Variants in ASIC2 observed in about 807,000 individuals in gnomAD.
ASIC2 encodes the protein acid sensing ion channel subunit 2.
ASIC2 carries 25 observed loss-of-function variants against 57.3 expected under a neutral mutation model. The ratio of observed to expected loss-of-function variants is 0.44; its 90% CI spans 0.32 to 0.61. ASIC2 has a LOEUF of 0.61. Among genes scored for constraint, ASIC2 ranks in the 20% least tolerant of loss-of-function variants. The probability of loss-of-function intolerance (pLI) is 0.06; values close to 1 mark genes in which losing one functional copy is unlikely to be tolerated. For missense variants in ASIC2, 641 were observed against 738.1 expected (o/e 0.87, Z 1.52); for synonymous variants, 319 against 307.5 (o/e 1.04, Z -0.39).
At chr17:34,140,892 G>T (rs1369836397) in intron 1 of ASIC2, among the ~76,000 whole-genome samples, 1 of 152,188 alleles carries the variant, frequency 6.6e-6, no homozygotes, top group East Asian at 1.9e-4. Context: ...ATCAATGGAT[G>T]ATAAAACCAG....
At chr17:34,052,777 C>A (rs1908618096) in intron 1 of ASIC2, among the ~76,000 whole-genome samples, 1 of 151,860 alleles carries the variant, frequency 6.6e-6, no homozygotes, top group African/African-American at 2.4e-5. Flanking sequence ...CCATCATGCC[C>A]AGCTATTTTT....
At chr17:34,116,642 T>G (rs1911431293) in intron 1 of ASIC2, among the ~76,000 whole-genome samples, 2 of 152,146 alleles carry the variant, frequency 1.3e-5, no homozygotes, top group Non-Finnish European at 2.9e-5. Flanking sequence ...GCCTGCTCTC[T>G]CTCTCCCTAG....
At chr17:33,118,852 G>A (rs2092290786) in intron 1 of ASIC2, among the ~76,000 whole-genome samples, 1 of 152,054 alleles carries the variant, frequency 6.6e-6, no homozygotes, top group Non-Finnish European at 1.5e-5. Context: ...TTTTCCTGGA[G>A]CATTGCATCC....
chr17:33,062,406 C>A (rs918233803), intron 3 of ASIC2, among the ~76,000 whole-genome samples: 1 of 152,182 alleles, frequency 6.6e-6, no homozygotes, highest in African/African-American at 2.4e-5. Flanking sequence ...TTTCTGCCTT[C>A]ATTTCGTTAT....
At chr17:33,899,083 G>A (rs1237175784) in intron 1 of ASIC2, among the ~76,000 whole-genome samples, 6 of 150,540 alleles carry the variant, frequency 4.0e-5, no homozygotes, top group Admixed American at 1.3e-4. Flanking sequence ...AGCTGAGATC[G>A]CGCCACTGCA....
chr17:33,786,177 TTGAC>T (rs773358149), intron 1 of ASIC2, among the ~76,000 whole-genome samples: 1 of 152,176 alleles, frequency 6.6e-6, no homozygotes, highest in Non-Finnish European at 1.5e-5. Flanking sequence ...GCAAACTTGT[TTGAC>T]TAACTGGCAG....
intron 1 of ASIC2, among the ~76,000 whole-genome samples, chr17:33,400,906 G>A (rs1049522005): frequency 2.6e-5 from 4 of 152,120 alleles, no homozygotes; most frequent in Non-Finnish European, 4.4e-5. Flanking sequence ...TTTGGCAACA[G>A]TTTGGTGACA....
chr17:33,772,236 T>G (rs1911134270), intron 1 of ASIC2, among the ~76,000 whole-genome samples: 1 of 152,228 alleles, frequency 6.6e-6, no homozygotes, highest in African/African-American at 2.4e-5. Context: ...GAGAGGGTCC[T>G]GTCCCACATC....
intron 1 of ASIC2, among the ~76,000 whole-genome samples, chr17:33,602,714 C>T (rs1018416278): frequency 1.3e-5 from 2 of 152,208 alleles, no homozygotes; most frequent in Non-Finnish European, 2.9e-5. Context: ...CTCACTGGCT[C>T]CAGCCACACA....
rs535447621 is a variant in ASIC2, at chr17:33,854,972, G to A, written c.555+301006C>T. On this transcript the variant is annotated intron_variant, in intron 1 of 9. Transcript: ENST00000359872. The stretch of plus-strand genomic sequence containing the variant: ...AAAAGTAGGAGGAACCTCTGACCCA[G>A]GCTCCTGCTAGGGGCCAACTGAGTT... Among the ~76,000 whole-genome samples the A allele has an allele frequency of 1.2e-4, 18 of 152,324 alleles. No homozygotes were observed. In the East Asian group the frequency reaches 3.3e-3, roughly 28 times the overall value.
At chr17:33,342,062 A>G (rs1907740610) in intron 1 of ASIC2, among the ~76,000 whole-genome samples, 1 of 152,222 alleles carries the variant, frequency 6.6e-6, no homozygotes, top group South Asian at 2.1e-4. Flanking sequence ...TGCTTAGCAA[A>G]AGAGAATGTG....
chr17:34,071,761 T>TG (rs1350052064), intron 1 of ASIC2: 1 of 151,600 alleles, frequency 6.6e-6, no homozygotes, highest in Non-Finnish European at 1.5e-5. Flanking sequence ...ACCAGGTAGA[T>TG]GGAGGTTGCA....
intron 1 of ASIC2, among the ~76,000 whole-genome samples, chr17:33,252,125 G>T (rs570723415): frequency 1.3e-5 from 2 of 152,276 alleles, no homozygotes; most frequent in East Asian, 3.9e-4. Context: ...TCCCAATCAA[G>T]AGTGTGAGCC....
chr17:33,880,162 A>C (rs562986070), intron 1 of ASIC2, among the ~76,000 whole-genome samples: 10 of 152,304 alleles, frequency 6.6e-5, no homozygotes, highest in Admixed American at 1.3e-4. Context: ...AGGAAAGATC[A>C]AAAATTGACA....
At position 33,266,443 on chromosome 17, in the gene ASIC2, T is replaced by C. The variant is rs114719003; in HGVS notation, c.708+24965A>G. Among the ~76,000 whole-genome samples the C allele has an allele frequency of 1.4e-3, 217 of 152,292 alleles. 2 individuals are homozygous for C. The highest frequency in any genetic ancestry group is 5.0e-3 in the African/African-American group (206 of 41,560). On this transcript the variant is annotated intron_variant, in intron 1 of 9. Transcript: ENST00000225823. ...AAAACAACAGATTCCCAGTTTTTCATTTGGGTCAAAAAGAATGTCTGCCCC... is the reference window on the plus strand; with the variant it reads ...AAAACAACAGATTCCCAGTTTTTCACTTGGGTCAAAAAGAATGTCTGCCCC...
At chr17:33,562,495 CGATG>C (rs1916103657) in intron 1 of ASIC2, among the ~76,000 whole-genome samples, 1 of 152,158 alleles carries the variant, frequency 6.6e-6, no homozygotes, top group African/African-American at 2.4e-5. Context: ...TGTCTAGGAC[CGATG>C]GATGTCATTG....
At chr17:33,223,271 C>T (rs759755677) in intron 1 of ASIC2, among the ~76,000 whole-genome samples, 4 of 152,062 alleles carry the variant, frequency 2.6e-5, no homozygotes, top group Non-Finnish European at 4.4e-5. Context: ...CAACCTCCGC[C>T]TCCAGGGTTC....
intron 1 of ASIC2, among the ~76,000 whole-genome samples, chr17:33,943,094 A>G (rs1159793794): frequency 6.6e-6 from 1 of 152,238 alleles, no homozygotes; most frequent in East Asian, 1.9e-4. Flanking sequence ...TAAGGCCCAG[A>G]AAAAGGAATG....
chr17:33,239,277 T>C (rs994624177), intron 1 of ASIC2, among the ~76,000 whole-genome samples: 8 of 151,302 alleles, frequency 5.3e-5, no homozygotes, highest in African/African-American at 7.3e-5. Flanking sequence ...GGCAACAGAG[T>C]GAGACTCCGT....
Sources: allele counts gnomAD v4.1 joint callset (sites outside exome capture counted in the v4.1 genomes callset), GRCh38; gene constraint gnomAD v4.1.1; transcripts MANE v1.5; gene names NCBI Gene and HGNC (gene_info 2026-07-23, HGNC 2026-07-21).